RBFOX1: variants seen among roughly 807,000 people sequenced by gnomAD.
RBFOX1 encodes RNA binding protein fox-1 homolog 1.
RBFOX1 carries 8 observed loss-of-function variants against 57.7 expected under a neutral mutation model. The ratio of observed to expected loss-of-function variants is 0.14; its 90% CI spans 0.08 to 0.25. RBFOX1 has a LOEUF of 0.25. Among genes scored for constraint, RBFOX1 ranks in the 10% least tolerant of loss-of-function variants. RBFOX1 has a pLI of 1.00. For synonymous variants in RBFOX1, 326 were observed against 222.4 expected (o/e 1.47, Z -4.15); for missense variants, 611 against 548.5 (o/e 1.11, Z -1.14).
At chr16:5,409,767 C>T (rs1438435015) in intron 1 of RBFOX1, among the ~76,000 whole-genome samples, 1 of 152,048 alleles carries the variant, frequency 6.6e-6, no homozygotes, top group Admixed American at 6.5e-5. Flanking sequence ...AACATGCAGG[C>T]TGGGCATGGT....
intron 2 of RBFOX1, among the ~76,000 whole-genome samples, chr16:6,585,558 G>C (rs1168528519): frequency 1.3e-5 from 2 of 152,120 alleles, no homozygotes; most frequent in Non-Finnish European, 2.9e-5. Context: ...TTTGAGATCT[G>C]TTTAATTCAC....
At position 7,647,806 on chromosome 16, in the gene RBFOX1, C is replaced by T. The variant is rs1049419430; in HGVS notation, c.758-6009C>T. On this transcript the variant is annotated intron_variant, in intron 11 of 15. Transcript: ENST00000550418. Reference sequence around the variant, plus strand: ...TTGCCCACTTACTGGATCTAGACTTCTAAGCCAGGGTATTTGGCATGTCTG... The same window carrying T: ...TTGCCCACTTACTGGATCTAGACTTTTAAGCCAGGGTATTTGGCATGTCTG... Among the ~76,000 whole-genome samples, 3 of 152,178 alleles carry T rather than the reference C, an allele frequency of 2.0e-5. No homozygotes were observed. The East Asian group carries it at 5.8e-4, about 29-fold the overall frequency.
intron 4 of RBFOX1, among the ~76,000 whole-genome samples, chr16:5,971,532 A>G (rs571878925): frequency 2.0e-5 from 3 of 152,286 alleles, no homozygotes; most frequent in African/African-American, 7.2e-5. Flanking sequence ...GTTTAAGGAA[A>G]GCAAATAATT....
At chr16:6,891,477 G>T (rs7193674) in intron 3 of RBFOX1, among the ~76,000 whole-genome samples, 19,710 of 152,012 alleles carry the variant, frequency 0.13, 1,435 homozygotes, top group East Asian at 0.24. Flanking sequence ...GAGAGAGAGA[G>T]AGAGAGAGGA....
chr16:7,549,368 C>G (rs2085620943), intron 5 of RBFOX1, among the ~76,000 whole-genome samples: 1 of 152,132 alleles, frequency 6.6e-6, no homozygotes, highest in Admixed American at 6.5e-5. Flanking sequence ...AGGTGTAATT[C>G]TAGGTGCAAG....
chr16:5,539,910 G>A (rs932080611), intron 2 of RBFOX1, among the ~76,000 whole-genome samples: 2 of 152,186 alleles, frequency 1.3e-5, no homozygotes, highest in Admixed American at 6.5e-5. Context: ...AGGTAAACAA[G>A]TATTTTATGG....
At chr16:6,436,246 A>G (rs1255924306) in intron 2 of RBFOX1, among the ~76,000 whole-genome samples, 1 of 152,228 alleles carries the variant, frequency 6.6e-6, no homozygotes, top group Admixed American at 6.5e-5. Flanking sequence ...CCGAATTAAA[A>G]ATGGCTGTTG....
intron 2 of RBFOX1, among the ~76,000 whole-genome samples, chr16:6,450,788 T>TATGTATATATATATAC (rs1555480534): frequency 2.1e-5 from 1 of 47,964 alleles, no homozygotes; most frequent in Non-Finnish European, 3.5e-5. Flanking sequence ...TATATATATA[T>TATGTATATATATATAC]ACATATATAT....
chr16:6,573,225 C>A (rs7200080), intron 2 of RBFOX1, among the ~76,000 whole-genome samples: 3,587 of 152,204 alleles, frequency 0.024, 142 homozygotes, highest in African/African-American at 0.081. Context: ...GTTAAATCAG[C>A]CATCAGACGT....
At chr16:6,985,122 C>G (rs2089955510) in intron 3 of RBFOX1, among the ~76,000 whole-genome samples, 1 of 152,092 alleles carries the variant, frequency 6.6e-6, no homozygotes, top group African/African-American at 2.4e-5. Flanking sequence ...CCTACCCTAC[C>G]CTACCCTACC....
At chr16:5,779,242 G>A (rs529798151) in intron 3 of RBFOX1, among the ~76,000 whole-genome samples, 1 of 152,238 alleles carries the variant, frequency 6.6e-6, no homozygotes, top group South Asian at 2.1e-4. Context: ...TGATCCCTCT[G>A]TCAGTCTCTG....
At chr16:6,320,582 C>G (rs1054075751) in intron 2 of RBFOX1, among the ~76,000 whole-genome samples, 1 of 151,672 alleles carries the variant, frequency 6.6e-6, no homozygotes, top group Admixed American at 6.6e-5. Flanking sequence ...AAATGATTAC[C>G]ACAATCAAGC....
At chr16:7,399,315 C>T (rs957083963) in intron 4 of RBFOX1, among the ~76,000 whole-genome samples, 25 of 151,950 alleles carry the variant, frequency 1.6e-4, no homozygotes, top group Admixed American at 5.2e-4. Flanking sequence ...AGTGCGATGG[C>T]GCATGCCTGT....
In RBFOX1 at chr16:6,097,109, G is replaced by A. The variant is rs1460033175; in HGVS notation, c.-127+77117G>A. Among the ~76,000 whole-genome samples, 1 of 152,102 alleles carries A rather than the reference G, an allele frequency of 6.6e-6. No homozygotes were observed. The highest frequency in any genetic ancestry group is 2.4e-5 in the African/African-American group (1 of 41,404). Reference sequence around the variant, plus strand: ...TGAGTAAGTCTTACTAGATCTGATGGTTTGATAAGGGGAAATCGCTTTCAC... The same window carrying A: ...TGAGTAAGTCTTACTAGATCTGATGATTTGATAAGGGGAAATCGCTTTCAC... On this transcript the variant is annotated intron_variant, in intron 1 of 15. Coordinates refer to ENST00000550418, the MANE Select transcript of RBFOX1 (RefSeq NM_018723.4). The surrounding 1 kb of genome is among the most constrained non-coding windows in gnomAD (Gnocchi z 5.0).
At chr16:7,228,026 C>T (rs1451335038) in intron 4 of RBFOX1, among the ~76,000 whole-genome samples, 1 of 152,086 alleles carries the variant, frequency 6.6e-6, no homozygotes, top group Non-Finnish European at 1.5e-5. Context: ...TAGCACCCAC[C>T]CACCAGGTTG....
At chr16:6,659,644 C>T (rs573790269) in intron 3 of RBFOX1, among the ~76,000 whole-genome samples, 1 of 152,220 alleles carries the variant, frequency 6.6e-6, no homozygotes, top group East Asian at 1.9e-4. Flanking sequence ...AGTCTGTCCT[C>T]TTAGTTTCAA....
At chr16:7,570,480 G>T (rs5028449) in intron 5 of RBFOX1, among the ~76,000 whole-genome samples, 1 of 151,982 alleles carries the variant, frequency 6.6e-6, no homozygotes, top group Admixed American at 6.5e-5. Context: ...GAAACTGGAT[G>T]AGTAAGGACT....
chr16:5,867,790 C>A (rs550859141), intron 4 of RBFOX1, among the ~76,000 whole-genome samples: 1 of 152,230 alleles, frequency 6.6e-6, no homozygotes, highest in African/African-American at 2.4e-5. Context: ...CGGCTCACTG[C>A]AACCTCCGCC....
intron 1 of RBFOX1, among the ~76,000 whole-genome samples, chr16:5,311,668 CTA>C (rs1273721449): frequency 6.6e-6 from 1 of 152,116 alleles, no homozygotes; most frequent in Non-Finnish European, 1.5e-5. Flanking sequence ...GAATTTTTTC[CTA>C]TGTTTGTTGG....
Sources: gnomAD v4.1 joint callset for allele counts (sites outside exome capture counted in the v4.1 genomes callset) on GRCh38, gnomAD v4.1.1 for gene constraint, Gnocchi (gnomAD v3.1) non-coding constraint, MANE v1.5 for transcripts, NCBI Gene and HGNC (gene_info 2026-07-23, HGNC 2026-07-21) for gene names.